SMAD3: variants seen among roughly 807,000 people sequenced by gnomAD.
The protein encoded by SMAD3 is MAD homolog 3.
Under a neutral mutation model 51.8 loss-of-function variants are expected in SMAD3, and 12 were observed. The observed-to-expected ratio is 0.23, with a 90% CI of 0.15 to 0.38. The LOEUF (loss-of-function observed/expected upper bound fraction) is 0.38. SMAD3 is among the 10% of genes least tolerant of loss of function. The probability of loss-of-function intolerance (pLI) is 1.00; values close to 1 mark genes in which losing one functional copy is unlikely to be tolerated. For synonymous variants in SMAD3, 238 were observed against 227.7 expected (o/e 1.05, Z -0.41); for missense variants, 294 against 565.6 (o/e 0.52, Z 4.87).
chr15:67,170,923 T>C (rs1056621202), intron 5 of SMAD3, among the ~76,000 whole-genome samples: 19 of 152,260 alleles, frequency 1.2e-4, no homozygotes, highest in Non-Finnish European at 2.4e-4. Context: ...AGCATACGTG[T>C]GCAGTTTGGT....
chr15:67,112,525 A>G (rs1268778893), intron 1 of SMAD3, among the ~76,000 whole-genome samples: 1 of 133,378 alleles, frequency 7.5e-6, no homozygotes, highest in East Asian at 2.9e-4. Context: ...TATTCTGGAT[A>G]TAAATTCCTT....
intron 1 of SMAD3, among the ~76,000 whole-genome samples, chr15:67,124,160 G>A (rs978077422): frequency 1.3e-5 from 2 of 152,110 alleles, no homozygotes; most frequent in Admixed American, 6.5e-5. Flanking sequence ...GCTAATTTTT[G>A]TATTTTTCTG....
intron 6 of SMAD3, among the ~76,000 whole-genome samples, chr15:67,181,989 G>A (rs1403435536): frequency 6.6e-6 from 1 of 152,128 alleles, no homozygotes; most frequent in Admixed American, 6.5e-5. Flanking sequence ...GTTTCTCCAT[G>A]TTGGCCAGGC....
intron 1 of SMAD3, among the ~76,000 whole-genome samples, chr15:67,068,060 T>C (rs1398751673): frequency 1.3e-5 from 2 of 152,134 alleles, no homozygotes; most frequent in African/African-American, 4.8e-5. Flanking sequence ...CTGTGAAAAG[T>C]GTTTCACAGT....
intron 7 of SMAD3, among the ~76,000 whole-genome samples, chr15:67,185,183 C>G (rs1963190879): frequency 2.6e-5 from 4 of 152,174 alleles, no homozygotes; most frequent in Admixed American, 2.6e-4. Flanking sequence ...GGGCTCTGTG[C>G]CAGGTGCTGT....
At chr15:67,148,706 G>A (rs1449634477) in intron 1 of SMAD3, among the ~76,000 whole-genome samples, 1 of 152,226 alleles carries the variant, frequency 6.6e-6, no homozygotes, top group Non-Finnish European at 1.5e-5. Flanking sequence ...GGATCCCTTT[G>A]CTATGAGGCT....
intron 3 of SMAD3, 69 bp from the exon 4 acceptor site, chr15:67,166,710 T>G: frequency 9.6e-7 from 1 of 1,042,952 alleles, no homozygotes; most frequent in Non-Finnish European, 1.5e-6. Context: ...GTGTGATGTC[T>G]TTGCAAAAGG....
At chr15:67,182,659 C>T (rs1455481083) in intron 6 of SMAD3, among the ~76,000 whole-genome samples, 1 of 151,848 alleles carries the variant, frequency 6.6e-6, no homozygotes, top group Non-Finnish European at 1.5e-5. Context: ...GGTCTGTGCT[C>T]TCATTTTCTA....
intron 5 of SMAD3, among the ~76,000 whole-genome samples, chr15:67,179,027 A>G (rs1375550695): frequency 6.6e-6 from 1 of 152,204 alleles, no homozygotes; most frequent in East Asian, 1.9e-4. Context: ...ATTGTTGTTA[A>G]CACCATGTGC....
chr15:67,177,777 C>G (rs1366630349), intron 5 of SMAD3, among the ~76,000 whole-genome samples: 1 of 151,870 alleles, frequency 6.6e-6, no homozygotes, highest in Non-Finnish European at 1.5e-5. Flanking sequence ...AAGGCAGAAC[C>G]CACAGGTGGT....
At chr15:67,106,494 ACT>A (rs1022836372) in intron 1 of SMAD3, among the ~76,000 whole-genome samples, 32 of 151,140 alleles carry the variant, frequency 2.1e-4, no homozygotes, top group African/African-American at 7.3e-4. Flanking sequence ...TCCCCAATAC[ACT>A]CTCTCACAGA....
intron 1 of SMAD3, among the ~76,000 whole-genome samples, chr15:67,121,510 G>A (rs1961263894): frequency 6.6e-6 from 1 of 152,224 alleles, no homozygotes; most frequent in African/African-American, 2.4e-5. Flanking sequence ...GAGGACGGGA[G>A]GTTTTGTTGA....
intron 1 of SMAD3, among the ~76,000 whole-genome samples, chr15:67,136,688 C>T (rs1961672126): frequency 6.6e-6 from 1 of 152,180 alleles, no homozygotes; most frequent in Non-Finnish European, 1.5e-5. Flanking sequence ...GCTTCCCTCC[C>T]CACTTTAACA....
rs2140328047 is a variant in SMAD3 at position 67,190,530 on chromosome 15, G to A, written c.1272G>A (p.Val424=). 6.2e-7 allele frequency: 1 copy of A among 1,614,102 alleles called. No individual in the cohort carries two copies. Among genetic ancestry groups the A allele is most frequent in the Non-Finnish European group, 8.5e-7 (1 of 1,180,012 alleles). The change falls in exon 9 of 9, where the codon GTG becomes GTA. Residue 424 remains valine (V), a synonymous_variant. Coordinates refer to ENST00000327367, the MANE Select transcript of SMAD3 (RefSeq NM_005902.4). Reference sequence around the variant, plus strand: ...CCCCAAGCATCCGCTGTTCCAGTGTGTCTTAGAGACATCAAGTATGGTAGG... The same window carrying A: ...CCCCAAGCATCCGCTGTTCCAGTGTATCTTAGAGACATCAAGTATGGTAGG... The part of the protein sequence containing the change: ...MGSPSIRCSS[V]S
chr15:67,123,141 A>G (rs1255169916), intron 1 of SMAD3, among the ~76,000 whole-genome samples: 1 of 146,510 alleles, frequency 6.8e-6, no homozygotes, highest in Non-Finnish European at 1.5e-5. Context: ...GTCTGCAGTG[A>G]ACTCGCCACT....
intron 8 of SMAD3, among the ~76,000 whole-genome samples, chr15:67,189,662 C>T (rs1160818744): frequency 2.0e-5 from 3 of 152,202 alleles, no homozygotes; most frequent in African/African-American, 7.2e-5. Context: ...CCAGGGCCCA[C>T]ACCTCTCACC....
rs28647290 is a variant in SMAD3, at chr15:67,113,244, G to T, written c.206+46884G>T. ...TGGGACTACAGGCGCCTGCCACCAC[G>T]CCCGGCCAATTTTTTTTTTGTATTT... On this transcript the variant is annotated intron_variant, in intron 1 of 8. Coordinates refer to ENST00000327367, the MANE Select transcript of SMAD3 (RefSeq NM_005902.4). Among the ~76,000 whole-genome samples, 2 of 92,244 alleles carry T rather than the reference G, an allele frequency of 2.2e-5. 1 individual carries two copies. The highest frequency in any genetic ancestry group is 1.1e-3 in the East Asian group (2 of 1,804). 60.5% of individuals were successfully genotyped at this position (92,244 alleles called of 152,430 possible). A position where few individuals can be genotyped will look rare whatever the true frequency, so the allele number is the denominator to read the frequency against.
chr15:67,072,210 C>T (rs1292699036), intron 1 of SMAD3, among the ~76,000 whole-genome samples: 3 of 152,106 alleles, frequency 2.0e-5, no homozygotes, highest in Non-Finnish European at 4.4e-5. Flanking sequence ...AAAATTAACA[C>T]GATTTAATGA....
intron 4 of SMAD3, among the ~76,000 whole-genome samples, chr15:67,167,958 TCCCCCA>T (rs1962635866): frequency 6.6e-6 from 1 of 152,064 alleles, no homozygotes; most frequent in Non-Finnish European, 1.5e-5. Flanking sequence ...TGCAATTCCT[TCCCCCA>T]CCTTTCCCAG....
Sources: allele counts gnomAD v4.1 joint callset (sites outside exome capture counted in the v4.1 genomes callset), GRCh38; gene constraint gnomAD v4.1.1; transcripts MANE v1.5; gene names NCBI Gene and HGNC (gene_info 2026-07-23, HGNC 2026-07-21).